Variants in TOP2A observed in about 807,000 individuals in gnomAD.
The protein encoded by TOP2A is DNA topoisomerase II alpha, also known as DNA topoisomerase 2-alpha.
In TOP2A, 68 loss-of-function variants were observed where a neutral mutation model predicts 187.2. That is an observed-to-expected ratio of 0.36 (90% CI 0.30 to 0.44). The LOEUF (loss-of-function observed/expected upper bound fraction) is 0.44. Among genes scored for constraint, TOP2A ranks in the 20% least tolerant of loss-of-function variants. The pLI, the probability that TOP2A is intolerant of heterozygous loss-of-function variation, is 1.00. For synonymous variants in TOP2A, 542 were observed against 593.2 expected (o/e 0.91, Z 1.25); for missense variants, 1,196 against 1,808.7 (o/e 0.66, Z 6.14).
Position 40,400,938 on chromosome 17 carries a change from C to T in TOP2A, c.2576G>A (p.Gly859Glu). The T allele has an allele frequency of 6.2e-7, 1 of 1,613,918 alleles. No individual in the cohort carries two copies. The highest frequency in any genetic ancestry group is 8.5e-7 in the Non-Finnish European group (1 of 1,179,884). Residue 859 changes from glycine to glutamate, a missense_variant, in exon 21 of 35, where the codon GGG (glycine) becomes GAG (glutamate). Physicochemically the swap from Gly to Glu is moderately conservative, Grantham distance 98. Transcript: ENST00000423485. ...LINGAEGIGT[G>E]WSCKIPNFDV... is the part of the protein sequence containing the mutation. The stretch of plus-strand genomic sequence containing the variant: ...AAAGTTGGGGATTTTGCAGGACCAC[C>T]CAGTACCGATTCCTTCAGCACCATT...
In TOP2A at chr17:40,400,567, T is replaced by G; in HGVS notation, c.2761A>C (p.Ile921Leu). 6.2e-7 allele frequency: 1 copy of G among 1,611,154 alleles called. No homozygotes were observed. The highest frequency in any genetic ancestry group is 8.5e-7 in the Non-Finnish European group (1 of 1,178,990). ...GEVAILNSTT[I>L]EISELPVRTW... Reference sequence around the variant, plus strand: ...CTGACGGGAAGCTCTGAGATTTCAATGGTTGTAGAATTAAGAATAGCTACT... The same window carrying G: ...CTGACGGGAAGCTCTGAGATTTCAAGGGTTGTAGAATTAAGAATAGCTACT... Residue 921 changes from isoleucine to leucine, a missense_variant, in exon 22 of 35, where the codon ATT becomes CTT. Ile to Leu is a conservative substitution (Grantham distance 5). This residue lies in a region of TOP2A where 232 missense variants were observed against 306.1 expected (regional missense o/e 0.76). Transcript: ENST00000423485.
At chr17:40,399,304 A>G in intron 24 of TOP2A, 173 bp from the exon 25 acceptor site, 1 of 593,626 alleles carries the variant, frequency 1.7e-6, no homozygotes, top group East Asian at 2.8e-5. Flanking sequence ...ACAAATGTAA[A>G]TTACCACAAG....
Position 40,400,007 on chromosome 17 carries a change from C to T in TOP2A, c.3061G>A (p.Asp1021Asn), listed in dbSNP as rs1379217533. Residue 1021 changes from aspartate to asparagine, a missense_variant, in exon 24 of 35, where the codon GAC becomes AAC. Physicochemically the swap from Asp to Asn is conservative, Grantham distance 23. This residue lies in a region of TOP2A where 232 missense variants were observed against 306.1 expected (regional missense o/e 0.76). Transcript: ENST00000423485. Reference sequence around the variant, plus strand: ...TATTTAAGTCTGAGTTCAAAAAAGTCTCTTAGAATATCCAACACCGTGTCA... The same window carrying T: ...TATTTAAGTCTGAGTTCAAAAAAGTTTCTTAGAATATCCAACACCGTGTCA... ...KYDTVLDILRDFFELRLKYYG... is the reference protein window; with the variant it reads ...KYDTVLDILRNFFELRLKYYG... 7.4e-6 allele frequency: 12 copies of T among 1,613,170 alleles called. No homozygotes were observed. Among genetic ancestry groups the T allele is most frequent in the Non-Finnish European group, 1.0e-5 (12 of 1,179,694 alleles).
In TOP2A at chr17:40,417,853, G is replaced by A. The variant is rs1366482512; in HGVS notation, c.-62C>T. ...CGACTAAACAGGCAGGACCCCACGA[G>A]ACCACCCCCGACCAAGCCGCTTCTC... is the stretch of plus-strand genomic sequence containing the variant. On this transcript the variant is annotated 5_prime_UTR_variant, in exon 1 of 35. Transcript: ENST00000423485. 3 of 1,601,138 alleles carry A rather than the reference G, an allele frequency of 1.9e-6. No homozygotes were observed. The highest frequency in any genetic ancestry group is 1.7e-6 in the Non-Finnish European group (2 of 1,173,348).
At chr17:40,398,740 T>C in intron 26 of TOP2A, 33 bp downstream of exon 26, 1 of 1,605,516 alleles carries the variant, frequency 6.2e-7, no homozygotes. Context: ...AGAACAAAAC[T>C]AAGCAGCATG....
In TOP2A at chr17:40,395,548, T is replaced by G; in HGVS notation, c.3721-9A>C. On this transcript the variant is annotated splice_polypyrimidine_tract_variant and intron_variant, in intron 28 of 34. Transcript: ENST00000423485. The stretch of plus-strand genomic sequence containing the variant: ...CCTTCAGTATTTTCATTCTAAAAGA[T>G]AGCAAAGTTAGGGTTGGATATAGAA... 6.4e-7 allele frequency: 1 copy of G among 1,567,780 alleles called. No individual in the cohort carries two copies. Among genetic ancestry groups the G allele is most frequent in the South Asian group, 1.1e-5 (1 of 88,912 alleles).
At position 40,413,582 on chromosome 17, in the gene TOP2A, G is replaced by C; in HGVS notation, c.376C>G (p.Pro126Ala). 6.7e-7 allele frequency: 1 copy of C among 1,484,840 alleles called. No individual in the cohort carries two copies. Among genetic ancestry groups the C allele is most frequent in the Non-Finnish European group, 9.2e-7 (1 of 1,092,252 alleles). The allele number at this position is 1,484,840 out of a possible 1,614,324, so 92.0% of individuals were successfully genotyped here. A position where few individuals can be genotyped will look rare whatever the true frequency, so the allele number is the denominator to read the frequency against. ...ISIWNNGKGIPVVEHKVEKMY... is the reference protein window; with the variant it reads ...ISIWNNGKGIAVVEHKVEKMY... ...TTTTCAACTTTGTGTTCAACAACAG[G>C]AATACCTTTTCCATTATTCCATATA... Residue 126 changes from proline to alanine, a missense_variant, in exon 5 of 35, where the codon CCT (proline) becomes GCT (alanine). By Grantham distance (27) the Pro-to-Ala change is conservative. Around this residue, in one of 10 missense-constraint regions of TOP2A, gnomAD observed 97 missense variants for 171.0 expected, o/e 0.57. Transcript: ENST00000423485.
At chr17:40,396,905 T>G (rs1214398392) in intron 27 of TOP2A, among the ~76,000 whole-genome samples, 1 of 151,666 alleles carries the variant, frequency 6.6e-6, no homozygotes, top group Non-Finnish European at 1.5e-5. Context: ...TTTTTGTTTT[T>G]TTTTTTTTAA....
intron 19 of TOP2A, 105 bp from the exon 20 acceptor site, chr17:40,403,159 T>C: frequency 8.9e-7 from 1 of 1,117,902 alleles, no homozygotes; most frequent in South Asian, 1.9e-5. Context: ...TCTAGTTGTT[T>C]AGTGACTTTC....
chr17:40,402,135 G>C (rs1054539329), intron 20 of TOP2A, among the ~76,000 whole-genome samples: 4 of 152,124 alleles, frequency 2.6e-5, no homozygotes, highest in African/African-American at 9.7e-5. Flanking sequence ...TCAAGCAAAG[G>C]AGTCAAGGGT....
chr17:40,413,920 G>A (rs185860036), intron 4 of TOP2A, among the ~76,000 whole-genome samples: 1 of 152,186 alleles, frequency 6.6e-6, no homozygotes, highest in African/African-American at 2.4e-5. Context: ...ACTGCTCAAA[G>A]TGTTGGGGTT....
intron 10 of TOP2A, chr17:40,409,703 C>G: frequency 4.6e-6 from 1 of 216,322 alleles, no homozygotes. Flanking sequence ...TCGCTTGAAC[C>G]TGGGAGGCAG....
chr17:40,402,910 G>C lies in TOP2A; in HGVS notation c.2428C>G (p.Leu810Val), dbSNP rs760977883. The C allele has an allele frequency of 3.4e-5, 55 of 1,604,812 alleles. No homozygotes were observed. Among genetic ancestry groups the C allele is most frequent in the Non-Finnish European group, 4.3e-5 (50 of 1,175,014 alleles). The change falls in exon 20 of 35, where the codon CTC becomes GTC. Residue 810 changes from leucine to valine, a missense_variant. Around this residue, in one of 10 missense-constraint regions of TOP2A, gnomAD observed 209 missense variants for 376.9 expected, o/e 0.55. Transcript: ENST00000423485. ...SASPRYIFTM[L>V]SSLARLLFPP... Reference sequence around the variant, plus strand: ...AGAAAGTGAAAGCATACCTACCTGAGCATTGTAAAGATGTATCGTGGACTA... The same window carrying C: ...AGAAAGTGAAAGCATACCTACCTGACCATTGTAAAGATGTATCGTGGACTA...
At chr17:40,394,178 T>C (rs576473298) in intron 29 of TOP2A, among the ~76,000 whole-genome samples, 1 of 146,632 alleles carries the variant, frequency 6.8e-6, no homozygotes, top group Admixed American at 6.7e-5. Context: ...TATTATATGA[T>C]TTAATTTATA....
chr17:40,399,897 C>G lies in TOP2A; in HGVS notation c.3171G>C (p.Glu1057Asp), dbSNP rs748130935. 2.5e-6 allele frequency: 4 copies of G among 1,602,582 alleles called. No homozygotes were observed. In the Admixed American group the frequency reaches 7.1e-5, roughly 28 times the overall value. ...KLNNQARFILEKIDGKIIIEN... is the reference protein window; with the variant it reads ...KLNNQARFILDKIDGKIIIEN... ...CAATGATTATTTTGCCATCTATTTT[C>G]TCTAAGATAAAGCGAGCCTGATTAT... The change falls in exon 24 of 35, where the codon GAG (glutamate) becomes GAC (aspartate). Residue 1057 changes from glutamate to aspartate, a missense_variant. Glu to Asp is a conservative substitution (Grantham distance 45). Transcript: ENST00000423485.
Position 40,411,488 on chromosome 17 carries a change from A to T in TOP2A, c.964-33T>A. 1 of 1,594,912 alleles carries T rather than the reference A, an allele frequency of 6.3e-7. No homozygotes were observed. The highest frequency in any genetic ancestry group is 1.1e-5 in the South Asian group (1 of 90,672). Reference sequence around the variant, plus strand: ...GGAAAAATACCAAACTGTAAAACTCAGTATCCTCAAAATTATAATAATCAA... The same window carrying T: ...GGAAAAATACCAAACTGTAAAACTCTGTATCCTCAAAATTATAATAATCAA... On this transcript the variant is annotated intron_variant, in intron 8 of 34. Coordinates refer to ENST00000423485, the MANE Select transcript of TOP2A (RefSeq NM_001067.4). This position sits in a 1 kb window ranked among gnomAD's most constrained non-coding sequence, Gnocchi z 4.4.
intron 34 of TOP2A, 94 bp downstream of exon 34, chr17:40,389,871 T>A: frequency 7.4e-7 from 1 of 1,356,812 alleles, no homozygotes; most frequent in Non-Finnish European, 9.9e-7. Context: ...GAGAGTTAAT[T>A]TTCTTAAAGA....
chr17:40,408,427 T>C, intron 11 of TOP2A, 65 bp downstream of exon 11: 2 of 1,434,498 alleles, frequency 1.4e-6, no homozygotes, highest in East Asian at 2.3e-5. Flanking sequence ...ATCCGTGGTA[T>C]GCCATTAATG....
In TOP2A at chr17:40,400,204, C is replaced by A. The variant is rs1319737735; in HGVS notation, c.3000+5G>T. 3 of 1,613,358 alleles carry A rather than the reference C, an allele frequency of 1.9e-6. No homozygotes were observed. The East Asian group carries it at 6.7e-5, about 36-fold the overall frequency. ...ACGTGTACATCTCACAAAACAAATACATACCATAGAGTTGCATGTGAGACT... is the reference window on the plus strand; with the variant it reads ...ACGTGTACATCTCACAAAACAAATAAATACCATAGAGTTGCATGTGAGACT... On this transcript the variant is annotated splice_donor_5th_base_variant and intron_variant, in intron 23 of 34. Transcript: ENST00000423485.
Sources: allele counts gnomAD v4.1 joint callset (sites outside exome capture counted in the v4.1 genomes callset), GRCh38; gene constraint gnomAD v4.1.1; regional missense constraint gnomAD v4.1.1; non-coding constraint Gnocchi (gnomAD v3.1); transcripts MANE v1.5; gene names NCBI Gene and HGNC (gene_info 2026-07-23, HGNC 2026-07-21).